The following PRPF19 variants were observed in gnomAD, a reference collection of about 807,000 sequenced individuals.
PRPF19 encodes pre-mRNA-processing factor 19.
Under a neutral mutation model 64.2 loss-of-function variants are expected in PRPF19, and 2 were observed. The ratio of observed to expected loss-of-function variants is 0.03; its 90% CI spans 0.01 to 0.10. The LOEUF (loss-of-function observed/expected upper bound fraction) is 0.10, where lower values mean the gene tolerates loss of function less well. Ranked by LOEUF, PRPF19 falls within the 10% of genes least tolerant of loss-of-function variation. PRPF19 has a pLI of 1.00. For synonymous variants in PRPF19, 226 were observed against 251.6 expected, an observed-to-expected ratio of 0.90 and a Z score of 0.96; for missense variants, 314 against 650.0, an observed-to-expected ratio of 0.48 and a Z score of 5.62.
chr11:60,903,686 C>T (rs1200086656), intron 2 of PRPF19, 26 bp downstream of exon 2: 1 of 1,583,156 alleles, frequency 6.3e-7, no homozygotes, highest in African/African-American at 1.4e-5. Context: ...CTAAGATGGC[C>T]CTAGACTAAG....
In PRPF19 at chr11:60,899,196, T is replaced by C. The variant is rs921065239; in HGVS notation, c.937A>G (p.Ser313Gly). The change falls in exon 11 of 16, where the codon AGC becomes GGC. Residue 313 changes from serine (S) to glycine (G), a missense_variant. Ser to Gly is a moderately conservative substitution (Grantham distance 56). Around this residue, in one of 7 missense-constraint regions of PRPF19, gnomAD observed 175 missense variants for 342.9 expected, o/e 0.51. Transcript: ENST00000227524. ...AGATAGTCGCCAGTGGCATGAAGGC[T>C]GAGGCCTGTCACAGCACTCTCATGG... Reference protein sequence around the residue: ...RAHESAVTGLSLHATGDYLLS... With the variant: ...RAHESAVTGLGLHATGDYLLS... 1 of 1,613,842 alleles carries C rather than the reference T, an allele frequency of 6.2e-7. No individual in the cohort carries two copies. The highest frequency in any genetic ancestry group is 1.3e-5 in the African/African-American group (1 of 74,906).
intron 3 of PRPF19, 135 bp downstream of exon 3, chr11:60,903,324 G>A (rs1311573804): frequency 5.1e-6 from 5 of 989,698 alleles, no homozygotes; most frequent in South Asian, 3.3e-5. Flanking sequence ...GGGATACAAC[G>A]AAGAATAAAA....
At position 60,906,549 on chromosome 11, in the gene PRPF19, A is replaced by G. The variant is rs1212504506; in HGVS notation, c.-167T>C. On this transcript the variant is annotated 5_prime_UTR_variant, in exon 1 of 16. Coordinates refer to ENST00000227524, the MANE Select transcript of PRPF19 (RefSeq NM_014502.5). ...TAGCGCTTCACGTGGGAATGGGGAC[A>G]GCCGCGCGCCACAGCCTTCAGCACC... The G allele has an allele frequency of 2.9e-6, 2 of 686,248 alleles. No homozygotes were observed. Among genetic ancestry groups the G allele is most frequent in the African/African-American group, 1.9e-5 (1 of 53,184 alleles). 42.5% of individuals were successfully genotyped at this position (686,248 alleles called of 1,614,324 possible).
chr11:60,899,373 C>T (rs530625641), intron 10 of PRPF19, 69 bp from the exon 11 acceptor site: 10 of 1,494,618 alleles, frequency 6.7e-6, no homozygotes, highest in African/African-American at 2.8e-5. Context: ...TCTTATAAAA[C>T]GGGGCTGGGG....
chr11:60,898,087 G>A lies in PRPF19; in HGVS notation c.1311+14C>T. 6.2e-7 allele frequency: 1 copy of A among 1,611,702 alleles called. No individual in the cohort carries two copies. Among genetic ancestry groups the A allele is most frequent in the Non-Finnish European group, 8.5e-7 (1 of 1,178,364 alleles). ...AGACACAATGGAAAGCTGGGCGGAG[G>A]GGGAAGGGCACACCTCAAAGTTGTT... On this transcript the variant is annotated intron_variant, in intron 14 of 15. Coordinates refer to ENST00000227524, the MANE Select transcript of PRPF19 (RefSeq NM_014502.5). This position sits in a 1 kb window ranked among gnomAD's most constrained non-coding sequence, Gnocchi z 4.6.
In PRPF19 at chr11:60,900,696, A is replaced by G. The variant is rs529175846; in HGVS notation, c.719-5T>C. 4.7e-5 allele frequency: 74 copies of G among 1,559,668 alleles called. No homozygotes were observed. The South Asian group carries it at 8.2e-4, about 17-fold the overall frequency. Reference sequence around the variant, plus strand: ...CGACATTTTTATCCGCCCCACCTGGAGAAGACCCAAAAAGACCAAACAATG... The same window carrying G: ...CGACATTTTTATCCGCCCCACCTGGGGAAGACCCAAAAAGACCAAACAATG... On this transcript the variant is annotated splice_polypyrimidine_tract_variant and splice_region_variant and intron_variant, in intron 9 of 15. Coordinates refer to ENST00000227524, the MANE Select transcript of PRPF19 (RefSeq NM_014502.5).
chr11:60,891,347 C>T (rs893764662), intron 15 of PRPF19, 84 bp from the exon 16 acceptor site: 1 of 1,036,024 alleles, frequency 9.7e-7, no homozygotes, highest in African/African-American at 1.6e-5. Context: ...GATTCCCAAA[C>T]AACCAGGCCT....
Position 60,906,240 on chromosome 11 carries a change from G to A in PRPF19, c.19+124C>T, listed in dbSNP as rs1160714916. On this transcript the variant is annotated intron_variant, in intron 1 of 15. Transcript: ENST00000227524. ...GGGGCTCCGGTGCTGACAGGCCGCC[G>A]CTCGGCCTCCGGAGCGCCCCATTCC... 8 of 1,391,484 alleles carry A rather than the reference G, an allele frequency of 5.7e-6. No individual in the cohort carries two copies. In the South Asian group the frequency reaches 6.3e-5, roughly 11 times the overall value. The allele number at this position is 1,391,484 out of a possible 1,614,324, so 86.2% of individuals were successfully genotyped here.
At chr11:60,906,255 C>T in intron 1 of PRPF19, 109 bp downstream of exon 1, 1 of 1,427,372 alleles carries the variant, frequency 7.0e-7, no homozygotes, top group African/African-American at 1.5e-5. Context: ...GCCTCCGGAG[C>T]GCCCCATTCC....
At chr11:60,901,067 C>T in intron 8 of PRPF19, 138 bp from the exon 9 acceptor site, 1 of 1,064,754 alleles carries the variant, frequency 9.4e-7, no homozygotes. Flanking sequence ...ATCCATACCT[C>T]TTGGCTATCT....
rs1164875450 is a variant in PRPF19 at position 60,898,795 on chromosome 11, T to C, written c.1054+67A>G. The C allele has an allele frequency of 6.7e-7, 1 of 1,498,366 alleles. No homozygotes were observed. Among genetic ancestry groups the C allele is most frequent in the Non-Finnish European group, 9.0e-7 (1 of 1,115,340 alleles). The allele number at this position is 1,498,366 out of a possible 1,614,324, so 92.8% of individuals were successfully genotyped here. Reference sequence around the variant, plus strand: ...TCTTTAGAACAAATAAACAAATGACTAAATAAAATGTAAAAATAAATAATA... The same window carrying C: ...TCTTTAGAACAAATAAACAAATGACCAAATAAAATGTAAAAATAAATAATA... On this transcript the variant is annotated intron_variant, in intron 12 of 15. Coordinates refer to ENST00000227524, the MANE Select transcript of PRPF19 (RefSeq NM_014502.5). The surrounding 1 kb of genome is among the most constrained non-coding windows in gnomAD (Gnocchi z 4.6).
rs374158582 is a variant in PRPF19, at chr11:60,902,619, C to A, written c.426G>T (p.Val142=). The A allele has an allele frequency of 1.1e-5, 18 of 1,614,018 alleles. No individual in the cohort carries two copies. The African/African-American group carries it at 1.9e-4, about 17-fold the overall frequency. Reference sequence around the variant, plus strand: ...GTTGGGAACTTGGCACAGCCTGGGGCACAATGAGGCCAGCCTGTGGTTTCA... The same window carrying A: ...GTTGGGAACTTGGCACAGCCTGGGGAACAATGAGGCCAGCCTGTGGTTTCA... ...ATLKPQAGLI[V]PQAVPSSQPS... is the part of the protein sequence containing the mutation. Residue 142 remains valine (V), a synonymous_variant, in exon 5 of 16, where the codon GTG becomes GTT. Transcript: ENST00000227524. This position sits in a 1 kb window ranked among gnomAD's most constrained non-coding sequence, Gnocchi z 5.0.
intron 9 of PRPF19, 42 bp downstream of exon 9, chr11:60,900,809 TGCC>T: frequency 6.2e-7 from 1 of 1,609,690 alleles, no homozygotes; most frequent in Non-Finnish European, 8.5e-7. Context: ...CCTTCCCTGC[TGCC>T]CCTCCCCACT....
Position 60,900,652 on chromosome 11 carries a change from G to C in PRPF19, c.758C>G (p.Ser253Cys). The change falls in exon 10 of 16, where the codon TCT becomes TGT. Residue 253 changes from serine (S) to cysteine (C), a missense_variant. Ser to Cys is a moderately radical substitution (Grantham distance 112). Coordinates refer to ENST00000227524, the MANE Select transcript of PRPF19 (RefSeq NM_014502.5). ...DKNVVVFDKS[S>C]EQILATLKGH... ...TTTGAGGGTAGCCAGGATTTGTTCA[G>C]AACTTTTGTCAAACACAACGACATT... is the stretch of plus-strand genomic sequence containing the variant. 6.4e-7 allele frequency: 1 copy of C among 1,559,466 alleles called. No homozygotes were observed. Among genetic ancestry groups the C allele is most frequent in the Non-Finnish European group, 8.7e-7 (1 of 1,150,158 alleles).
rs1856007092 is a variant in PRPF19, at chr11:60,903,387, AC to A, written c.246+71del. ...CTCTAAATAATGCTCCATCCTTCCT[AC>A]CCCCAAGTCCTAACCCAGCAATGCA... On this transcript the variant is annotated intron_variant, in intron 3 of 15. Coordinates refer to ENST00000227524, the MANE Select transcript of PRPF19 (RefSeq NM_014502.5). 6 of 1,444,984 alleles carry A rather than the reference AC, an allele frequency of 4.2e-6. No homozygotes were observed. In the East Asian group the frequency reaches 1.4e-4, roughly 34 times the overall value. 89.5% of individuals were successfully genotyped at this position (1,444,984 alleles called of 1,614,324 possible).
chr11:60,902,266 G>T lies in PRPF19; in HGVS notation c.525+137C>A. ...GTAGTGGCATCAAAATACAAACCCA[G>T]GCAATCTGGTCCCAGGGTCCATGCT... On this transcript the variant is annotated intron_variant, in intron 6 of 15. Transcript: ENST00000227524. The surrounding 1 kb of genome is among the most constrained non-coding windows in gnomAD (Gnocchi z 5.0). 1.0e-6 allele frequency: 1 copy of T among 963,456 alleles called. No homozygotes were observed. Among genetic ancestry groups the T allele is most frequent in the Non-Finnish European group, 1.6e-6 (1 of 637,296 alleles). The allele number at this position is 963,456 out of a possible 1,614,324, so 59.7% of individuals were successfully genotyped here.
chr11:60,900,221 A>G (rs1481219258), intron 10 of PRPF19, among the ~76,000 whole-genome samples: 1 of 152,252 alleles, frequency 6.6e-6, no homozygotes, highest in Non-Finnish European at 1.5e-5. Flanking sequence ...GATCATGGGA[A>G]AGCAGATATA....
At chr11:60,891,828 G>A (rs924115316) in intron 15 of PRPF19, among the ~76,000 whole-genome samples, 68 of 152,206 alleles carry the variant, frequency 4.5e-4, no homozygotes, top group African/African-American at 1.6e-3. Context: ...TACCTAACTC[G>A]GTTCTAAATC....
At position 60,902,978 on chromosome 11, in the gene PRPF19, G is replaced by A. The variant is rs1856000411; in HGVS notation, c.247-97C>T. The A allele has an allele frequency of 6.6e-7, 1 of 1,522,294 alleles. No individual in the cohort carries two copies. Among genetic ancestry groups the A allele is most frequent in the Non-Finnish European group, 8.8e-7 (1 of 1,136,480 alleles). The allele number at this position is 1,522,294 out of a possible 1,614,324, so 94.3% of individuals were successfully genotyped here. A position where few individuals can be genotyped will look rare whatever the true frequency, so the allele number is the denominator to read the frequency against. On this transcript the variant is annotated intron_variant, in intron 3 of 15. Transcript: ENST00000227524. This position sits in a 1 kb window ranked among gnomAD's most constrained non-coding sequence, Gnocchi z 5.0. ...GGAGGGGATGCTGCCTCCTATCCCA[G>A]AGCCTAGACCAGTATCAGTGACCCA...
Sources: gnomAD v4.1 joint callset for allele counts (sites outside exome capture counted in the v4.1 genomes callset) on GRCh38, gnomAD v4.1.1 for gene constraint, gnomAD v4.1.1 regional missense constraint, Gnocchi (gnomAD v3.1) non-coding constraint, MANE v1.5 for transcripts, NCBI Gene and HGNC (gene_info 2026-07-23, HGNC 2026-07-21) for gene names.